The following RSPO2 variants were observed in gnomAD, a reference collection of about 807,000 sequenced individuals.
The protein encoded by RSPO2 is R-spondin 2.
Under a neutral mutation model 30.9 loss-of-function variants are expected in RSPO2, and 14 were observed. The ratio of observed to expected loss-of-function variants is 0.45; its 90% confidence interval spans 0.30 to 0.71. The LOEUF is 0.71. RSPO2 is among the 30% of genes least tolerant of loss of function. The pLI is 0.08. For missense variants in RSPO2, 264 were observed against 301.9 expected (o/e 0.87, Z 0.93); for synonymous variants, 107 against 96.4 (o/e 1.11, Z -0.64).
intron 2 of RSPO2, among the ~76,000 whole-genome samples, chr8:108,063,585 T>A (rs1000953349): frequency 6.6e-6 from 1 of 151,712 alleles, no homozygotes; most frequent in East Asian, 1.9e-4. Flanking sequence ...AGAATCAATA[T>A]CATGAAAATG....
chr8:108,011,152 G>A (rs1044616366), intron 2 of RSPO2, among the ~76,000 whole-genome samples: 70 of 82,632 alleles, frequency 8.5e-4, no homozygotes, highest in African/African-American at 1.3e-3. Context: ...AAAAAAAAAA[G>A]AAAGAAAGAA....
At chr8:108,065,501 A>G (rs1394366511) in intron 2 of RSPO2, among the ~76,000 whole-genome samples, 1 of 152,114 alleles carries the variant, frequency 6.6e-6, no homozygotes, top group Admixed American at 6.6e-5. Context: ...ACTGGATAGT[A>G]AAACTGTTAA....
chr8:108,015,814 A>G (rs117428538), intron 2 of RSPO2, among the ~76,000 whole-genome samples: 1 of 152,154 alleles, frequency 6.6e-6, no homozygotes, highest in African/African-American at 2.4e-5. Flanking sequence ...TCCTATTGCA[A>G]TAATTTCTGG....
chr8:108,004,579 C>G (rs541766539), intron 2 of RSPO2, among the ~76,000 whole-genome samples: 4 of 152,302 alleles, frequency 2.6e-5, no homozygotes, highest in South Asian at 2.1e-4. Context: ...TCCATCTTCT[C>G]CAATTCTTGG....
At chr8:107,998,964 C>T (rs914206074) in intron 2 of RSPO2, among the ~76,000 whole-genome samples, 6 of 152,228 alleles carry the variant, frequency 3.9e-5, no homozygotes, top group East Asian at 3.9e-4. Flanking sequence ...GAATTGCTTG[C>T]GCCCAGGAAG....
intron 2 of RSPO2, among the ~76,000 whole-genome samples, chr8:108,025,257 C>A (rs897856812): frequency 4.6e-5 from 7 of 152,122 alleles, no homozygotes; most frequent in African/African-American, 1.7e-4. Flanking sequence ...CTAAAAGGAG[C>A]TCCTTGGAGA....
At chr8:107,906,067 C>A (rs528866467) in intron 5 of RSPO2, among the ~76,000 whole-genome samples, 37 of 151,980 alleles carry the variant, frequency 2.4e-4, no homozygotes, top group African/African-American at 8.4e-4. Context: ...ATGAGACAGG[C>A]AACAGGATGC....
At chr8:107,930,315 G>C (rs1167221819) in intron 5 of RSPO2, among the ~76,000 whole-genome samples, 1 of 152,178 alleles carries the variant, frequency 6.6e-6, no homozygotes, top group Non-Finnish European at 1.5e-5. Context: ...TATTTCCTTG[G>C]TTATATAAGA....
At position 107,935,291 on chromosome 8, in the gene RSPO2, T is replaced by C. The variant is rs868158817; in HGVS notation, c.616+22789A>G. On this transcript the variant is annotated intron_variant, in intron 5 of 5. Transcript: ENST00000276659. ...AATCTTCAAGCTAATTTTTAAACTT[T>C]TTTCAGAAGATATATATTAATAACC... Among the ~76,000 whole-genome samples the C allele has an allele frequency of 7.9e-5, 12 of 152,140 alleles. No individual in the cohort carries two copies. In the South Asian group the frequency reaches 2.5e-3, roughly 32 times the overall value.
At chr8:107,984,617 T>C (rs1814564170) in intron 3 of RSPO2, among the ~76,000 whole-genome samples, 1 of 152,200 alleles carries the variant, frequency 6.6e-6, no homozygotes, top group South Asian at 2.1e-4. Flanking sequence ...TTAATCAGGG[T>C]GCGTTTCAAG....
chr8:108,062,133 A>G (rs1454097945), intron 2 of RSPO2, among the ~76,000 whole-genome samples: 1 of 151,896 alleles, frequency 6.6e-6, no homozygotes, highest in Admixed American at 6.6e-5. Flanking sequence ...GAACTAGAGA[A>G]GCAGAAGCAA....
rs532876505 is a variant in RSPO2 at position 107,988,570 on chromosome 8, A to C, written c.283+486T>G. 1.5e-4 allele frequency among the ~76,000 whole-genome samples: 23 copies of C among 152,286 alleles called. No individual in the cohort carries two copies. In the South Asian group the frequency reaches 4.3e-3, roughly 29 times the overall value. On this transcript the variant is annotated intron_variant, in intron 3 of 5. Coordinates refer to ENST00000276659, the MANE Select transcript of RSPO2 (RefSeq NM_178565.5). ...GTGGAATTGTGTCTTACAGCTCTAT[A>C]CAAAATATAAAGTAAAAGTGCTCTT... is the stretch of plus-strand genomic sequence containing the variant.
chr8:107,945,628 A>G (rs1182081316), intron 5 of RSPO2, among the ~76,000 whole-genome samples: 1 of 152,142 alleles, frequency 6.6e-6, no homozygotes, highest in Non-Finnish European at 1.5e-5. Flanking sequence ...CAGGTTCTCT[A>G]TATTTTAGTA....
At chr8:107,942,184 G>A (rs1812921994) in intron 5 of RSPO2, among the ~76,000 whole-genome samples, 2 of 152,102 alleles carry the variant, frequency 1.3e-5, no homozygotes, top group South Asian at 2.1e-4. Flanking sequence ...CTAAAAGTAG[G>A]GTCTCTTCCA....
At chr8:108,026,593 G>C (rs754450520) in intron 2 of RSPO2, among the ~76,000 whole-genome samples, 2 of 152,142 alleles carry the variant, frequency 1.3e-5, no homozygotes, top group Non-Finnish European at 2.9e-5. Context: ...AAGGCCAGGA[G>C]CGGTGGCTCA....
rs368021451 is a variant in RSPO2, at chr8:108,063,280, C to T, written c.94+19265G>A. On this transcript the variant is annotated intron_variant, in intron 2 of 5. Coordinates refer to ENST00000276659, the MANE Select transcript of RSPO2 (RefSeq NM_178565.5). ...ATGACATGATTGTATATCTAGAAAA[C>T]GCCATCTTCTCAGCCCAAAATCTCC... Among the ~76,000 whole-genome samples, 19 of 151,762 alleles carry T rather than the reference C, an allele frequency of 1.3e-4. 1 individual carries two copies. Among genetic ancestry groups the T allele is most frequent in the South Asian group, 4.1e-4 (2 of 4,828 alleles).
At chr8:108,007,467 C>A (rs1376441754) in intron 2 of RSPO2, among the ~76,000 whole-genome samples, 1 of 152,074 alleles carries the variant, frequency 6.6e-6, no homozygotes, top group Non-Finnish European at 1.5e-5. Context: ...TTACATTAAC[C>A]AAGTGATCAA....
intron 2 of RSPO2, among the ~76,000 whole-genome samples, chr8:108,028,253 T>G (rs1442939716): frequency 1.3e-5 from 2 of 152,162 alleles, no homozygotes; most frequent in East Asian, 3.9e-4. Flanking sequence ...CTGGCTTATC[T>G]TACCCCCTCA....
intron 2 of RSPO2, among the ~76,000 whole-genome samples, chr8:108,041,315 A>G (rs1413377820): frequency 6.6e-6 from 1 of 151,944 alleles, no homozygotes; most frequent in Non-Finnish European, 1.5e-5. Flanking sequence ...TAAGGGCTGT[A>G]GAGTCAAAGG....
Sources: allele counts gnomAD v4.1 joint callset (sites outside exome capture counted in the v4.1 genomes callset), GRCh38; gene constraint gnomAD v4.1.1; transcripts MANE v1.5; gene names NCBI Gene and HGNC (gene_info 2026-07-23, HGNC 2026-07-21).